Variants in CGNL1 observed in about 807,000 individuals in gnomAD.
The protein encoded by CGNL1 is cingulin-like protein 1.
In CGNL1, 132 loss-of-function variants were observed where a neutral mutation model predicts 141.2. That is an observed-to-expected ratio of 0.93 (90% CI 0.81 to 1.08). The LOEUF is 1.08. Among genes scored for constraint, CGNL1 ranks in the 50% least tolerant of loss-of-function variants. The probability of loss-of-function intolerance (pLI) is 0.00; values close to 1 mark genes in which losing one functional copy is unlikely to be tolerated. For synonymous variants in CGNL1, 690 were observed against 622.1 expected (o/e 1.11, Z -1.63); for missense variants, 1,870 against 1,588.6 (o/e 1.18, Z -3.01).
rs186395523 is a variant in CGNL1, at chr15:57,550,324, C to T, written c.*2834C>T. 8 of 152,678 alleles carry T rather than the reference C, an allele frequency of 5.2e-5. No individual in the cohort carries two copies. The highest frequency in any genetic ancestry group is 5.2e-4 in the Admixed American group (8 of 15,296). The allele number at this position is 152,678 out of a possible 1,614,324, so 9.5% of individuals were successfully genotyped here. A position where few individuals can be genotyped will look rare whatever the true frequency, so the allele number is the denominator to read the frequency against. ...CCTGGAACAAAGTGCAGATTAGTGC[C>T]CACGGTCCTTTCCAGGTATAACATG... On this transcript the variant is annotated 3_prime_UTR_variant, in exon 19 of 19. Coordinates refer to ENST00000281282, the MANE Select transcript of CGNL1 (RefSeq NM_032866.5).
chr15:57,455,858 C>T (rs560096302), intron 7 of CGNL1, among the ~76,000 whole-genome samples: 7 of 152,214 alleles, frequency 4.6e-5, no homozygotes, highest in South Asian at 4.1e-4. Context: ...GCTGATAATG[C>T]GAGATACAGG....
chr15:57,482,746 T>C (rs2063740728), intron 8 of CGNL1, among the ~76,000 whole-genome samples: 1 of 152,116 alleles, frequency 6.6e-6, no homozygotes, highest in South Asian at 2.1e-4. Context: ...TTTAAAATTG[T>C]TTTAGCTATT....
chr15:57,513,178 G>C (rs1288033783), intron 8 of CGNL1, among the ~76,000 whole-genome samples: 3 of 151,712 alleles, frequency 2.0e-5, no homozygotes, highest in Non-Finnish European at 4.4e-5. Flanking sequence ...CCCTGTAGCA[G>C]CCCAGGGCAA....
chr15:57,431,082 C>A (rs919090159), intron 1 of CGNL1, among the ~76,000 whole-genome samples: 2 of 152,188 alleles, frequency 1.3e-5, no homozygotes, highest in African/African-American at 4.8e-5. Flanking sequence ...GTAAAAGGAG[C>A]CTTTTTACAG....
chr15:57,500,048 A>T (rs1446657760), intron 8 of CGNL1, among the ~76,000 whole-genome samples: 1 of 152,080 alleles, frequency 6.6e-6, no homozygotes, highest in Non-Finnish European at 1.5e-5. Flanking sequence ...TGAGGTGTGT[A>T]TTGGAGTTGG....
chr15:57,392,043 A>G (rs1394696688), intron 1 of CGNL1, among the ~76,000 whole-genome samples: 1 of 152,066 alleles, frequency 6.6e-6, no homozygotes, highest in African/African-American at 2.4e-5. Flanking sequence ...GGTGAAAAAA[A>G]AGTCTTAATT....
At chr15:57,529,355 C>T (rs1192918701) in intron 13 of CGNL1, among the ~76,000 whole-genome samples, 2 of 152,152 alleles carry the variant, frequency 1.3e-5, no homozygotes, top group Non-Finnish European at 2.9e-5. Flanking sequence ...TAGTCCAAGA[C>T]AGCATATCAG....
chr15:57,386,504 C>G (rs1398866710), intron 1 of CGNL1, among the ~76,000 whole-genome samples: 1 of 152,106 alleles, frequency 6.6e-6, no homozygotes, highest in East Asian at 1.9e-4. Flanking sequence ...GTAGGAGGCC[C>G]CCCAAATAGT....
intron 8 of CGNL1, among the ~76,000 whole-genome samples, chr15:57,472,694 G>A (rs2063598039): frequency 6.6e-6 from 1 of 152,046 alleles, no homozygotes; most frequent in Admixed American, 6.5e-5. Context: ...GATTATGTAG[G>A]GCCCCATTTT....
At chr15:57,410,575 T>C (rs1210465726) in intron 1 of CGNL1, among the ~76,000 whole-genome samples, 6 of 152,188 alleles carry the variant, frequency 3.9e-5, no homozygotes, top group African/African-American at 1.4e-4. Flanking sequence ...GCTGTGTCTG[T>C]GTGGTCCCAA....
chr15:57,421,712 C>G (rs1465605089), intron 1 of CGNL1, among the ~76,000 whole-genome samples: 2 of 152,116 alleles, frequency 1.3e-5, no homozygotes, highest in Admixed American at 1.3e-4. Context: ...ATGGTGACGT[C>G]AGTGGCCCTG....
At chr15:57,458,946 C>A (rs1454063739) in intron 7 of CGNL1, among the ~76,000 whole-genome samples, 1 of 152,162 alleles carries the variant, frequency 6.6e-6, no homozygotes, top group Non-Finnish European at 1.5e-5. Flanking sequence ...GCAATGCAGC[C>A]CCACCCTGGG....
intron 14 of CGNL1, among the ~76,000 whole-genome samples, chr15:57,542,950 T>C (rs569957001): frequency 4.6e-5 from 7 of 152,270 alleles, no homozygotes; most frequent in Middle Eastern, 3.4e-3. Context: ...TGTTTGTGAG[T>C]GTCATAGGAT....
chr15:57,409,048 C>CACACACACAG (rs1266708131), intron 1 of CGNL1, among the ~76,000 whole-genome samples: 2 of 151,246 alleles, frequency 1.3e-5, no homozygotes, highest in East Asian at 3.9e-4. Context: ...CACACACACA[C>CACACACACAG]ACACACACAC....
At chr15:57,473,908 T>C (rs865833290) in intron 8 of CGNL1, among the ~76,000 whole-genome samples, 6,695 of 122,794 alleles carry the variant, frequency 0.055, 122 homozygotes, top group Non-Finnish European at 0.077. Flanking sequence ...TCTTTTTTTT[T>C]TTTTTTTTTT....
chr15:57,450,163 C>T (rs564923792), intron 4 of CGNL1, among the ~76,000 whole-genome samples: 4 of 152,208 alleles, frequency 2.6e-5, no homozygotes, highest in Non-Finnish European at 5.9e-5. Context: ...TATCATGTTG[C>T]ATTCCCACAA....
chr15:57,479,124 T>G (rs1425670608), intron 8 of CGNL1, among the ~76,000 whole-genome samples: 2 of 152,246 alleles, frequency 1.3e-5, no homozygotes, highest in African/African-American at 4.8e-5. Flanking sequence ...ATCCAGCTTT[T>G]GGGTCCCTGG....
At chr15:57,445,779 C>T (rs1347376480) in intron 4 of CGNL1, among the ~76,000 whole-genome samples, 2 of 152,120 alleles carry the variant, frequency 1.3e-5, no homozygotes, top group African/African-American at 2.4e-5. Context: ...TATTTCTTCC[C>T]CTCAGCTATT....
intron 8 of CGNL1, among the ~76,000 whole-genome samples, chr15:57,474,540 C>A (rs2063626758): frequency 6.6e-6 from 1 of 152,130 alleles, no homozygotes; most frequent in Non-Finnish European, 1.5e-5. Context: ...ATGAGTGAAT[C>A]AGAATGTGTA....
Sources: allele counts gnomAD v4.1 joint callset (sites outside exome capture counted in the v4.1 genomes callset), GRCh38; gene constraint gnomAD v4.1.1; transcripts MANE v1.5; gene names NCBI Gene and HGNC (gene_info 2026-07-23, HGNC 2026-07-21).